Variants in ARHGEF28 observed in about 807,000 individuals in gnomAD.
The protein encoded by ARHGEF28 is Rho guanine nucleotide exchange factor 28, also known as 190 kDa guanine nucleotide exchange factor.
Under a neutral mutation model 206.6 loss-of-function variants are expected in ARHGEF28, and 152 were observed. The observed-to-expected ratio is 0.74, with a 90% CI of 0.64 to 0.84. The LOEUF (loss-of-function observed/expected upper bound fraction) is 0.84. Among genes scored for constraint, ARHGEF28 ranks in the 40% least tolerant of loss-of-function variants. ARHGEF28 has a pLI of 0.00. For synonymous variants in ARHGEF28, 763 were observed against 776.4 expected, an observed-to-expected ratio of 0.98 and a Z score of 0.29; for missense variants, 2,028 against 2,073.2, an observed-to-expected ratio of 0.98 and a Z score of 0.42.
At chr5:73,790,275 A>G (rs1232360585) in intron 7 of ARHGEF28, among the ~76,000 whole-genome samples, 2 of 151,908 alleles carry the variant, frequency 1.3e-5, no homozygotes, top group Admixed American at 6.6e-5. Flanking sequence ...ACCTCCAGAC[A>G]AAAAAAACTG....
chr5:73,795,469 T>A, intron 9 of ARHGEF28, 78 bp downstream of exon 9: 1 of 1,269,638 alleles, frequency 7.9e-7, no homozygotes, highest in Non-Finnish European at 1.1e-6. Context: ...GCAAGTAAAT[T>A]TTAACATAAA....
At chr5:73,917,710 G>T (rs1006096869) in intron 35 of ARHGEF28, among the ~76,000 whole-genome samples, 1 of 152,242 alleles carries the variant, frequency 6.6e-6, no homozygotes, top group East Asian at 1.9e-4. Context: ...ATTTGGACAA[G>T]CTGCTGAAGT....
At position 73,904,412 on chromosome 5, in the gene ARHGEF28, A is replaced by G; in HGVS notation, c.4161+7A>G. The G allele has an allele frequency of 6.2e-7, 1 of 1,606,690 alleles. No individual in the cohort carries two copies. Among genetic ancestry groups the G allele is most frequent in the Admixed American group, 1.7e-5 (1 of 59,804 alleles). ...TCTCTTATACAGCCTTCAGGTAACT[A>G]TCCTCCTCTAATCTTTGACCTTGTG... On this transcript the variant is annotated splice_region_variant and intron_variant, in intron 33 of 35. Coordinates refer to ENST00000513042, the MANE Select transcript of ARHGEF28 (RefSeq NM_001177693.2).
chr5:73,883,806 C>T lies in ARHGEF28; in HGVS notation c.2977C>T (p.Pro993Ser). 1.3e-6 allele frequency: 2 copies of T among 1,573,986 alleles called. No homozygotes were observed. Among genetic ancestry groups the T allele is most frequent in the Non-Finnish European group, 1.7e-6 (2 of 1,159,698 alleles). The change falls in exon 24 of 36, where the codon CCA becomes TCA. Residue 993 changes from proline to serine, a missense_variant. Physicochemically the swap from Pro to Ser is moderately conservative, Grantham distance 74 (BLOSUM62 -1). This residue lies in a region of ARHGEF28 where 223 missense variants were observed against 289.9 expected (regional missense o/e 0.77). Transcript: ENST00000513042. ...TCTTTTGGCTCGACGCCGAGGAATT[C>T]CAGAATGCATTCTGTTGGTCACTCA... is the stretch of plus-strand genomic sequence containing the variant. Reference protein sequence around the residue: ...SNLLARRRGIPECILLVTQRI... With the variant: ...SNLLARRRGISECILLVTQRI...
intron 2 of ARHGEF28, among the ~76,000 whole-genome samples, chr5:73,717,617 AC>A (rs1561354224): frequency 6.6e-6 from 1 of 152,216 alleles, no homozygotes; most frequent in African/African-American, 2.4e-5. Flanking sequence ...ATCATTTGTT[AC>A]TACTTTCATT....
chr5:73,898,364 C>A (rs868712502), intron 30 of ARHGEF28: 2 of 230,716 alleles, frequency 8.7e-6, no homozygotes, highest in African/African-American at 2.2e-5. Context: ...CTTCCCCAAC[C>A]CCTACCCTGC....
At chr5:73,870,248 C>A in intron 21 of ARHGEF28, 39 bp downstream of exon 21, 1 of 1,583,058 alleles carries the variant, frequency 6.3e-7, no homozygotes, top group Non-Finnish European at 8.6e-7. Flanking sequence ...TGAAGCAGTG[C>A]GGTTCAGAGA....
chr5:73,649,706 G>T (rs185261663), intron 1 of ARHGEF28, among the ~76,000 whole-genome samples: 318 of 152,284 alleles, frequency 2.1e-3, no homozygotes, highest in African/African-American at 7.3e-3. Context: ...AGTGGGAAAA[G>T]AGTCTAAAAA....
rs746070168 is a variant in ARHGEF28 at position 73,887,611 on chromosome 5, G to A, written c.3319G>A (p.Ala1107Thr). 1.9e-6 allele frequency: 3 copies of A among 1,563,808 alleles called. No homozygotes were observed. Among genetic ancestry groups the A allele is most frequent in the East Asian group, 2.3e-5 (1 of 43,362 alleles). Residue 1107 changes from alanine (A) to threonine (T), a missense_variant, in exon 26 of 36, where the codon GCT becomes ACT. By Grantham distance (58) the Ala-to-Thr change is moderately conservative. Coordinates refer to ENST00000513042, the MANE Select transcript of ARHGEF28 (RefSeq NM_001177693.2). Reference sequence around the variant, plus strand: ...ATGTTTTTTCTTTAAAGATATCCTAGCTCTACTTCTAACTGATGTGCTGCT... The same window carrying A: ...ATGTTTTTTCTTTAAAGATATCCTAACTCTACTTCTAACTGATGTGCTGCT... ...TATGRFKDIL[A>T]LLLTDVLLFL...
chr5:73,759,040 C>T (rs1211199927), intron 4 of ARHGEF28, among the ~76,000 whole-genome samples: 1 of 152,186 alleles, frequency 6.6e-6, no homozygotes, highest in Non-Finnish European at 1.5e-5. Context: ...TGGACTTCAA[C>T]ACAGCTGATG....
chr5:73,694,608 G>A (rs1204921383), intron 2 of ARHGEF28, among the ~76,000 whole-genome samples: 1 of 152,178 alleles, frequency 6.6e-6, no homozygotes, highest in Admixed American at 6.5e-5. Context: ...TTCCAGAAAG[G>A]CAGCCCTTAT....
At chr5:73,912,914 A>G (rs1561189837) in intron 35 of ARHGEF28, among the ~76,000 whole-genome samples, 1 of 152,208 alleles carries the variant, frequency 6.6e-6, no homozygotes, top group Non-Finnish European at 1.5e-5. Context: ...GCTTTGGTAT[A>G]ATTCCGAAAC....
chr5:73,630,531 T>A (rs1743303232), intron 1 of ARHGEF28, among the ~76,000 whole-genome samples: 1 of 152,192 alleles, frequency 6.6e-6, no homozygotes, highest in African/African-American at 2.4e-5. Flanking sequence ...TTATAGCAAA[T>A]GGAAAATAAC....
At position 73,721,889 on chromosome 5, in the gene ARHGEF28, G is replaced by A. The variant is rs149924748; in HGVS notation, c.34-27948G>A. Among the ~76,000 whole-genome samples, 11 of 152,252 alleles carry A rather than the reference G, an allele frequency of 7.2e-5. No individual in the cohort carries two copies. The East Asian group carries it at 1.7e-3, about 24-fold the overall frequency. ...TTTAGGAATCTTGTTACCATCTGTC[G>A]GTATTCCCTTTGTTAGAGATGCTCT... On this transcript the variant is annotated intron_variant, in intron 2 of 35. Transcript: ENST00000513042.
At chr5:73,697,368 C>A (rs1029414456) in intron 2 of ARHGEF28, among the ~76,000 whole-genome samples, 2 of 152,088 alleles carry the variant, frequency 1.3e-5, no homozygotes, top group Non-Finnish European at 2.9e-5. Flanking sequence ...ATCTGTTTTC[C>A]ATTACTTATA....
In ARHGEF28 at chr5:73,896,624, C is replaced by A. The variant is rs763920768; in HGVS notation, c.3842-1338C>A. ...AGACCAGTGCCATTGACAATGGGAGCAGAGAGAAGAGGCCGAGGCAAGATA... is the reference window on the plus strand; with the variant it reads ...AGACCAGTGCCATTGACAATGGGAGAAGAGAGAAGAGGCCGAGGCAAGATA... On this transcript the variant is annotated intron_variant, in intron 29 of 35. Coordinates refer to ENST00000513042, the MANE Select transcript of ARHGEF28 (RefSeq NM_001177693.2). Among the ~76,000 whole-genome samples the A allele has an allele frequency of 5.9e-5, 9 of 152,070 alleles. 1 individual carries two copies. The highest frequency in any genetic ancestry group is 1.3e-4 in the Non-Finnish European group (9 of 68,006).
chr5:73,747,406 G>C (rs1751781012), intron 2 of ARHGEF28, among the ~76,000 whole-genome samples: 1 of 152,174 alleles, frequency 6.6e-6, no homozygotes, highest in Non-Finnish European at 1.5e-5. Flanking sequence ...CCTGTGGTTG[G>C]CTATTTAAGC....
At chr5:73,782,260 G>A (rs189376875) in intron 7 of ARHGEF28, among the ~76,000 whole-genome samples, 25 of 152,032 alleles carry the variant, frequency 1.6e-4, no homozygotes, top group Middle Eastern at 3.4e-3. Flanking sequence ...CCAACATGGC[G>A]AAACCCCGTC....
chr5:73,905,727 A>G (rs1762515179), intron 33 of ARHGEF28, among the ~76,000 whole-genome samples: 1 of 152,216 alleles, frequency 6.6e-6, no homozygotes, highest in South Asian at 2.1e-4. Context: ...TTGTATTATT[A>G]ACAACACTGT....
Sources: gnomAD v4.1 joint callset for allele counts (sites outside exome capture counted in the v4.1 genomes callset) on GRCh38, gnomAD v4.1.1 for gene constraint, gnomAD v4.1.1 regional missense constraint, MANE v1.5 for transcripts, NCBI Gene and HGNC (gene_info 2026-07-23, HGNC 2026-07-21) for gene names.